ZNF18: variants seen among roughly 807,000 people sequenced by gnomAD.
ZNF18 encodes the protein zinc finger protein 18.
In ZNF18, 42 loss-of-function variants were observed where a neutral mutation model predicts 58.1. That is an observed-to-expected ratio of 0.72 (90% CI 0.56 to 0.93). The LOEUF (loss-of-function observed/expected upper bound fraction) is 0.93. Among genes scored for constraint, ZNF18 ranks in the 40% least tolerant of loss-of-function variants. The pLI, the probability that ZNF18 is intolerant of heterozygous loss-of-function variation, is 0.00. For synonymous variants in ZNF18, 231 were observed against 239.8 expected, an observed-to-expected ratio of 0.96 and a Z score of 0.34; for missense variants, 540 against 644.2, an observed-to-expected ratio of 0.84 and a Z score of 1.75.
intron 4 of ZNF18, among the ~76,000 whole-genome samples, chr17:11,986,248 T>C (rs1967734207): frequency 6.6e-6 from 1 of 152,228 alleles, no homozygotes; most frequent in Non-Finnish European, 1.5e-5. Flanking sequence ...CCATATGGAA[T>C]TGTAAGTCCA....
chr17:11,999,492 G>C (rs887888529), upstream of ZNF18, among the ~76,000 whole-genome samples: 3 of 152,162 alleles, frequency 2.0e-5, no homozygotes, highest in African/African-American at 7.2e-5. Flanking sequence ...TTCGAAACAG[G>C]CTGAACAATC....
the ZNF18 span, among the ~76,000 whole-genome samples, chr17:12,019,952 A>G: frequency 6.6e-6 from 1 of 152,202 alleles, no homozygotes; most frequent in Non-Finnish European, 1.5e-5. Context: ...TTTCGAGTAC[A>G]TTATGGTTGG....
In ZNF18 at chr17:11,978,060, C is replaced by G. The variant is rs1454990727; in HGVS notation, c.1547G>C (p.Gly516Ala). The change falls in exon 7 of 7, where the codon GGA (glycine) becomes GCA (alanine). Residue 516 changes from glycine to alanine, a missense_variant. Transcript: ENST00000580306. ...NFNRHQRVHT[G>A]EKPYKCSHCG... ...GTGCGAACATTTATAAGGTTTCTCT[C>G]CAGTGTGAACCCTCTGATGTCTATT... 1.9e-6 allele frequency: 3 copies of G among 1,614,006 alleles called. No individual in the cohort carries two copies. Among genetic ancestry groups the G allele is most frequent in the Admixed American group, 3.3e-5 (2 of 59,982 alleles).
In ZNF18 at chr17:11,977,886, TC is replaced by T; in HGVS notation, c.*70del. 1 of 1,498,856 alleles carries T rather than the reference TC, an allele frequency of 6.7e-7. No homozygotes were observed. The allele number at this position is 1,498,856 out of a possible 1,614,324, so 92.8% of individuals were successfully genotyped here. ...GGGGTATCCTCTTAGACACAATTCC[TC>T]TTGATGGAGCTGAGTATTTTTGTGA... On this transcript the variant is annotated 3_prime_UTR_variant, in exon 7 of 7. Transcript: ENST00000580306.
chr17:12,020,884 A>G, the ZNF18 span: 6 of 1,207,944 alleles, frequency 5.0e-6, no homozygotes, highest in East Asian at 9.9e-5. Flanking sequence ...TTCACTCCCA[A>G]CAATGGCGGC....
intron 6 of ZNF18, among the ~76,000 whole-genome samples, chr17:11,980,112 G>A (rs567113758): frequency 7.2e-5 from 11 of 152,192 alleles, no homozygotes; most frequent in South Asian, 4.1e-4. Context: ...GACACCTACT[G>A]GCAACCCAAC....
intron 6 of ZNF18, among the ~76,000 whole-genome samples, chr17:11,981,430 C>T (rs1440122267): frequency 6.6e-6 from 1 of 151,556 alleles, no homozygotes; most frequent in East Asian, 1.9e-4. Flanking sequence ...AGCGATTCTC[C>T]TGCCTCAGCC....
chr17:12,001,334 T>G (rs78254609), upstream of ZNF18, among the ~76,000 whole-genome samples: 1 of 152,050 alleles, frequency 6.6e-6, no homozygotes, highest in Non-Finnish European at 1.5e-5. Flanking sequence ...TAGTTAATAA[T>G]AATGCATACC....
At chr17:11,991,557 A>G (rs1481363027) in intron 2 of ZNF18, among the ~76,000 whole-genome samples, 1 of 152,238 alleles carries the variant, frequency 6.6e-6, no homozygotes, top group Non-Finnish European at 1.5e-5. Context: ...TACGTGAGGT[A>G]TGGGGGAACC....
upstream of ZNF18, among the ~76,000 whole-genome samples, chr17:12,001,104 A>G (rs531607558): frequency 1.7e-4 from 26 of 152,296 alleles, no homozygotes; most frequent in Non-Finnish European, 3.4e-4. Flanking sequence ...TTTGAATAAC[A>G]AGGCTTCTGG....
At chr17:12,000,927 T>C (rs1968644837), upstream of ZNF18, among the ~76,000 whole-genome samples, 1 of 152,034 alleles carries the variant, frequency 6.6e-6, no homozygotes, top group Non-Finnish European at 1.5e-5. Context: ...TATAGACAAG[T>C]CATTCAAGAA....
intron 4 of ZNF18, among the ~76,000 whole-genome samples, chr17:11,987,245 T>C (rs1967810634): frequency 6.6e-6 from 1 of 152,142 alleles, no homozygotes; most frequent in Non-Finnish European, 1.5e-5. Flanking sequence ...GGAAGGTGAG[T>C]AAATGCACTG....
intron 2 of ZNF18, among the ~76,000 whole-genome samples, chr17:11,991,395 C>G (rs1021819098): frequency 6.6e-6 from 1 of 152,192 alleles, no homozygotes; most frequent in South Asian, 2.1e-4. Flanking sequence ...ATGCCACTAA[C>G]GTGCTTCTAC....
At chr17:12,013,337 A>C in the ZNF18 span, among the ~76,000 whole-genome samples, 4 of 152,004 alleles carry the variant, frequency 2.6e-5, no homozygotes, top group Non-Finnish European at 5.9e-5. Context: ...TTGTCTTTTG[A>C]CTTTGCTTAT....
the ZNF18 span, among the ~76,000 whole-genome samples, chr17:12,004,422 T>G: frequency 6.6e-6 from 1 of 152,274 alleles, no homozygotes; most frequent in South Asian, 2.1e-4. Context: ...ATAATCTCAG[T>G]TTGAAGATAA....
At chr17:12,015,849 C>T in the ZNF18 span, among the ~76,000 whole-genome samples, 9 of 151,954 alleles carry the variant, frequency 5.9e-5, no homozygotes, top group Non-Finnish European at 1.0e-4. Context: ...AGTCCAGCAG[C>T]GCGATCTCGG....
At chr17:12,018,904 G>T in the ZNF18 span, among the ~76,000 whole-genome samples, 27 of 150,992 alleles carry the variant, frequency 1.8e-4, no homozygotes, top group Admixed American at 1.8e-3. Context: ...TTCCCTTAAT[G>T]AATTTGCTAG....
intron 3 of ZNF18, 44 bp from the exon 4 acceptor site, chr17:11,990,594 T>TA: frequency 6.6e-7 from 1 of 1,507,900 alleles, no homozygotes; most frequent in Non-Finnish European, 9.1e-7. Flanking sequence ...ATGTCTTCCT[T>TA]AACCACTCCC....
At chr17:12,000,317 A>C (rs1968634550), upstream of ZNF18, among the ~76,000 whole-genome samples, 2 of 152,204 alleles carry the variant, frequency 1.3e-5, no homozygotes, top group Admixed American at 1.3e-4. Context: ...CAGGGTAATA[A>C]GAAAAATCTA....
Sources: gnomAD v4.1 joint callset for allele counts (sites outside exome capture counted in the v4.1 genomes callset) on GRCh38, gnomAD v4.1.1 for gene constraint, MANE v1.5 for transcripts, NCBI Gene and HGNC (gene_info 2026-07-23, HGNC 2026-07-21) for gene names.